The following MACROD2 variants were observed in gnomAD, a reference collection of about 807,000 sequenced individuals.
The protein encoded by MACROD2 is ADP-ribose glycohydrolase MACROD2.
Under a neutral mutation model 70.4 loss-of-function variants are expected in MACROD2, and 36 were observed. The observed-to-expected ratio is 0.51, with a 90% CI of 0.39 to 0.68. MACROD2 has a LOEUF of 0.68. Ranked by LOEUF, MACROD2 falls within the 30% of genes least tolerant of loss-of-function variation. The pLI is 0.00. For synonymous variants in MACROD2, 172 were observed against 178.8 expected (o/e 0.96, Z 0.30); for missense variants, 496 against 538.4 (o/e 0.92, Z 0.78).
intron 3 of MACROD2, among the ~76,000 whole-genome samples, chr20:14,159,079 A>G (rs997273759): frequency 1.3e-5 from 2 of 152,140 alleles, no homozygotes; most frequent in African/African-American, 4.8e-5. Context: ...TCTACTAAAA[A>G]TACAAAAAAC....
At chr20:15,511,614 G>A (rs1600515234) in intron 8 of MACROD2, among the ~76,000 whole-genome samples, 1 of 152,190 alleles carries the variant, frequency 6.6e-6, no homozygotes, top group South Asian at 2.1e-4. Context: ...TGACCTTAGA[G>A]CTTGAACATT....
intron 5 of MACROD2, among the ~76,000 whole-genome samples, chr20:14,855,476 T>A (rs2073243958): frequency 6.6e-6 from 1 of 152,086 alleles, no homozygotes; most frequent in Non-Finnish European, 1.5e-5. Context: ...AGCATCATAA[T>A]TTTCCACTGA....
chr20:15,644,543 G>T (rs1460551088), intron 8 of MACROD2, among the ~76,000 whole-genome samples: 3 of 151,858 alleles, frequency 2.0e-5, no homozygotes, highest in Non-Finnish European at 4.4e-5. Context: ...TCTTTCTATC[G>T]AGAATTTACT....
Position 14,997,290 on chromosome 20 carries a change from C to T in MACROD2, c.419-232650C>T, listed in dbSNP as rs925746517. On this transcript the variant is annotated intron_variant, in intron 5 of 17. Transcript: ENST00000684519. ...GGGCCCTAGCTCCCAGATGACACTT[C>T]TAGATCTACCCTGGGCCAGAAGGGA... Among the ~76,000 whole-genome samples the T allele has an allele frequency of 5.5e-4, 84 of 152,280 alleles. 1 individual carries two copies. Among genetic ancestry groups the T allele is most frequent in the African/African-American group, 1.9e-3 (80 of 41,558 alleles).
intron 6 of MACROD2, among the ~76,000 whole-genome samples, chr20:15,357,817 T>C (rs1287796228): frequency 1.0e-5 from 1 of 99,374 alleles, no homozygotes; most frequent in Non-Finnish European, 2.1e-5. Context: ...TTTTTTTTTT[T>C]TTTTTTCAAG....
At chr20:14,652,306 G>C (rs1985717675) in intron 4 of MACROD2, among the ~76,000 whole-genome samples, 1 of 152,172 alleles carries the variant, frequency 6.6e-6, no homozygotes, top group African/African-American at 2.4e-5. Flanking sequence ...ATAGTGGAAA[G>C]TAATTTTACC....
chr20:15,523,053 C>CT (rs1290291764), intron 8 of MACROD2, among the ~76,000 whole-genome samples: 1 of 152,142 alleles, frequency 6.6e-6, no homozygotes, highest in African/African-American at 2.4e-5. Flanking sequence ...GCTAGAGGGA[C>CT]TGGTGTTCTT....
At chr20:15,934,925 G>A (rs1187747651) in intron 11 of MACROD2, among the ~76,000 whole-genome samples, 1 of 152,022 alleles carries the variant, frequency 6.6e-6, no homozygotes, top group African/African-American at 2.4e-5. Context: ...CTGATCTCAA[G>A]TGATCTGCCC....
At chr20:15,085,248 A>G (rs2075737935) in intron 5 of MACROD2, among the ~76,000 whole-genome samples, 1 of 152,122 alleles carries the variant, frequency 6.6e-6, no homozygotes, top group South Asian at 2.1e-4. Flanking sequence ...CACAAAATGA[A>G]TTCAAGACCT....
rs182024814 is a variant in MACROD2, at chr20:16,042,651, C to A, written c.1231+1373C>A. On this transcript the variant is annotated intron_variant, in intron 16 of 17. Coordinates refer to ENST00000684519, the MANE Select transcript of MACROD2 (RefSeq NM_001351661.2). ...GAAGAAGAAACAGAAAAGGAATACT[C>A]TCCTGTATTTTATCCTGCACACTCC... Among the ~76,000 whole-genome samples, 29 of 152,120 alleles carry A rather than the reference C, an allele frequency of 1.9e-4. No individual in the cohort carries two copies. In the East Asian group the frequency reaches 3.9e-3, roughly 20 times the overall value.
chr20:15,105,703 G>A (rs993800569), intron 5 of MACROD2, among the ~76,000 whole-genome samples: 4 of 152,054 alleles, frequency 2.6e-5, no homozygotes, highest in Admixed American at 1.3e-4. Flanking sequence ...CTGAACTCCC[G>A]GCACTAGAGG....
chr20:15,621,964 T>C (rs962199303), intron 8 of MACROD2, among the ~76,000 whole-genome samples: 1 of 152,130 alleles, frequency 6.6e-6, no homozygotes. Context: ...TTGATTTAGA[T>C]GTGGGAGGTA....
chr20:14,122,103 G>A (rs2054596495), intron 3 of MACROD2, among the ~76,000 whole-genome samples: 1 of 152,104 alleles, frequency 6.6e-6, no homozygotes, highest in African/African-American at 2.4e-5. Flanking sequence ...TGTTGGTGAA[G>A]GTTCTAAACC....
chr20:15,802,097 A>G (rs1376295966), intron 8 of MACROD2, among the ~76,000 whole-genome samples: 3 of 152,076 alleles, frequency 2.0e-5, no homozygotes, highest in Non-Finnish European at 4.4e-5. Context: ...AGAGTTTTTC[A>G]GTGAAATTTT....
chr20:15,982,475 A>C (rs2066415526), intron 13 of MACROD2, among the ~76,000 whole-genome samples: 1 of 152,146 alleles, frequency 6.6e-6, no homozygotes, highest in African/African-American at 2.4e-5. Flanking sequence ...TGGACCAGTC[A>C]GCTTCTGAGT....
At chr20:14,778,396 C>G (rs1242972248) in intron 5 of MACROD2, among the ~76,000 whole-genome samples, 1 of 151,998 alleles carries the variant, frequency 6.6e-6, no homozygotes, top group East Asian at 1.9e-4. Flanking sequence ...TTTGTTGTCC[C>G]CTCACCTCAT....
intron 15 of MACROD2, among the ~76,000 whole-genome samples, chr20:16,035,966 A>G (rs779780533): frequency 7.0e-6 from 1 of 142,924 alleles, no homozygotes; most frequent in African/African-American, 2.7e-5. Context: ...GCCCAGCATC[A>G]AGAGAGAGTG....
intron 6 of MACROD2, among the ~76,000 whole-genome samples, chr20:15,375,994 T>G (rs985619811): frequency 6.6e-5 from 10 of 152,194 alleles, no homozygotes; most frequent in African/African-American, 2.4e-4. Flanking sequence ...GCTATCTCAG[T>G]GCTCCTTAAG....
chr20:14,080,503 C>T (rs1316597482), intron 2 of MACROD2, among the ~76,000 whole-genome samples: 1 of 106,734 alleles, frequency 9.4e-6, no homozygotes, highest in South Asian at 3.1e-4. Context: ...TCCAGTAAAA[C>T]AAACTCAAAA....
Sources: gnomAD v4.1 joint callset for allele counts (sites outside exome capture counted in the v4.1 genomes callset) on GRCh38, gnomAD v4.1.1 for gene constraint, MANE v1.5 for transcripts, NCBI Gene and HGNC (gene_info 2026-07-23, HGNC 2026-07-21) for gene names.